Variants in ARSB observed in about 807,000 individuals in gnomAD.
ARSB encodes N-acetylgalactosamine-4-sulfatase.
Under a neutral mutation model 50.9 loss-of-function variants are expected in ARSB, and 41 were observed. That is an observed-to-expected ratio of 0.81 (90% CI 0.63 to 1.04). The LOEUF (loss-of-function observed/expected upper bound fraction) is 1.04, where lower values mean the gene tolerates loss of function less well. ARSB is among the 50% of genes least tolerant of loss of function. The pLI, the probability that ARSB is intolerant of heterozygous loss-of-function variation, is 0.00. For synonymous variants in ARSB, 269 were observed against 284.8 expected (o/e 0.94, Z 0.56); for missense variants, 672 against 693.3 (o/e 0.97, Z 0.35).
At chr5:78,818,835 C>G (rs969140456) in intron 6 of ARSB, among the ~76,000 whole-genome samples, 3 of 152,008 alleles carry the variant, frequency 2.0e-5, no homozygotes, top group Non-Finnish European at 2.9e-5. Flanking sequence ...CTTCCTTTCT[C>G]CTTAAGCAAC....
At chr5:78,794,351 A>G (rs1743100422) in intron 6 of ARSB, among the ~76,000 whole-genome samples, 2 of 152,240 alleles carry the variant, frequency 1.3e-5, no homozygotes, top group Non-Finnish European at 2.9e-5. Context: ...AATGAATTCA[A>G]TAGTCTTCAA....
intron 6 of ARSB, among the ~76,000 whole-genome samples, chr5:78,785,536 A>G (rs1005464448): frequency 6.6e-5 from 10 of 150,972 alleles, no homozygotes; most frequent in Non-Finnish European, 1.2e-4. Context: ...CCTCCTTTAA[A>G]TCTACTTTAT....
intron 5 of ARSB, among the ~76,000 whole-genome samples, chr5:78,840,019 G>A (rs1219988015): frequency 1.3e-5 from 2 of 152,196 alleles, no homozygotes; most frequent in African/African-American, 4.8e-5. Flanking sequence ...GTGACTTGGA[G>A]ATCGCTTAGT....
intron 4 of ARSB, among the ~76,000 whole-genome samples, chr5:78,897,162 C>T (rs1748601201): frequency 6.6e-6 from 1 of 152,124 alleles, no homozygotes. Flanking sequence ...AACATAGAGA[C>T]TAGACTTAGG....
chr5:78,956,433 T>A (rs1301731254), intron 3 of ARSB, among the ~76,000 whole-genome samples: 1 of 152,118 alleles, frequency 6.6e-6, no homozygotes, highest in East Asian at 1.9e-4. Context: ...TGAACATGTT[T>A]TAAACTTAGA....
rs1748878471 is a variant in ARSB, at chr5:78,780,026, A to G, written c.*371T>C. 2 of 296,610 alleles carry G rather than the reference A, an allele frequency of 6.7e-6. No homozygotes were observed. Among genetic ancestry groups the G allele is most frequent in the Non-Finnish European group, 1.3e-5 (2 of 152,934 alleles). The allele number at this position is 296,610 out of a possible 1,614,324, so 18.4% of individuals were successfully genotyped here. ...GTAAGAAATGTGATTCACTCCAATA[A>G]AACTGGCTATTGGCAGAGGGGAATC... is the stretch of plus-strand genomic sequence containing the variant. On this transcript the variant is annotated 3_prime_UTR_variant, in exon 8 of 8. Coordinates refer to ENST00000264914, the MANE Select transcript of ARSB (RefSeq NM_000046.5).
intron 4 of ARSB, among the ~76,000 whole-genome samples, chr5:78,891,890 C>T (rs1218725691): frequency 1.4e-5 from 2 of 146,986 alleles, no homozygotes; most frequent in Admixed American, 6.6e-5. Context: ...TCCCCTATCA[C>T]CCCTACTGCC....
chr5:78,874,790 C>G lies in ARSB; in HGVS notation c.1142+10794G>C, dbSNP rs372668022. Reference sequence around the variant, plus strand: ...CACCTGATGTGGACAACAAGAAAGACCATCTACTAGGCCAAGTCTCAAATT... The same window carrying G: ...CACCTGATGTGGACAACAAGAAAGAGCATCTACTAGGCCAAGTCTCAAATT... On this transcript the variant is annotated intron_variant, in intron 5 of 7. Transcript: ENST00000264914. Among the ~76,000 whole-genome samples the G allele has an allele frequency of 1.2e-4, 18 of 152,206 alleles. No homozygotes were observed. In the East Asian group the frequency reaches 1.5e-3, roughly 13 times the overall value.
intron 1 of ARSB, among the ~76,000 whole-genome samples, chr5:78,984,131 T>A (rs763562015): frequency 2.6e-5 from 4 of 152,202 alleles, no homozygotes; most frequent in Admixed American, 6.5e-5. Context: ...GCGATTCTTA[T>A]GCCAACGAGC....
At chr5:78,861,900 G>A (rs1746455747) in intron 5 of ARSB, among the ~76,000 whole-genome samples, 1 of 152,174 alleles carries the variant, frequency 6.6e-6, no homozygotes, top group Non-Finnish European at 1.5e-5. Context: ...AAGCTGATAA[G>A]CAACTTCAAC....
intron 4 of ARSB, among the ~76,000 whole-genome samples, chr5:78,899,686 C>A (rs1234932080): frequency 1.3e-5 from 2 of 152,140 alleles, no homozygotes; most frequent in African/African-American, 2.4e-5. Flanking sequence ...AAAATTATTT[C>A]AATCTCTTTG....
chr5:78,940,363 A>C (rs1750849972), intron 4 of ARSB, among the ~76,000 whole-genome samples: 1 of 152,176 alleles, frequency 6.6e-6, no homozygotes, highest in Admixed American at 6.6e-5. Context: ...GCCCATGCCT[A>C]TGTCCTGAAT....
Position 78,985,053 on chromosome 5 carries a change from G to A in ARSB, c.196C>T (p.Arg66Cys), listed in dbSNP as rs951682570. The A allele has an allele frequency of 1.3e-6, 2 of 1,541,586 alleles. No individual in the cohort carries two copies. Among genetic ancestry groups the A allele is most frequent in the Admixed American group, 1.9e-5 (1 of 51,604 alleles). Residue 66 changes from arginine to cysteine, a missense_variant, in exon 1 of 8, where the codon CGC becomes TGC. Coordinates refer to ENST00000264914, the MANE Select transcript of ARSB (RefSeq NM_000046.5). ...GCGTCCAGGTGCGGCGTGCGGATGCGGGAGCCGTGGAAGCCGACGTCGTTC... is the reference window on the plus strand; with the variant it reads ...GCGTCCAGGTGCGGCGTGCGGATGCAGGAGCCGTGGAAGCCGACGTCGTTC... Reference protein sequence around the residue: ...GWNDVGFHGSRIRTPHLDALA... With the variant: ...GWNDVGFHGSCIRTPHLDALA...
rs77516528 is a variant in ARSB at position 78,892,962 on chromosome 5, C to T, written c.899-7135G>A. 8.6e-3 allele frequency among the ~76,000 whole-genome samples: 1,304 copies of T among 152,226 alleles called. 21 individuals are homozygous for T. Among genetic ancestry groups the T allele is most frequent in the African/African-American group, 0.03 (1,255 of 41,526 alleles). On this transcript the variant is annotated intron_variant, in intron 4 of 7. Coordinates refer to ENST00000264914, the MANE Select transcript of ARSB (RefSeq NM_000046.5). ...CCAGGCACCAAATAACCGATTGATA[C>T]GGTTTGGCTGTGTCCCTACCCAAAT...
At chr5:78,839,493 T>TCCC in intron 5 of ARSB, 67 bp from the exon 6 acceptor site, 2 of 1,398,284 alleles carry the variant, frequency 1.4e-6, no homozygotes, top group Non-Finnish European at 2.0e-6. Context: ...TTTTAATACT[T>TCCC]CCCTTCCTTG....
At chr5:78,978,012 A>C (rs1021599273) in intron 1 of ARSB, among the ~76,000 whole-genome samples, 3 of 152,206 alleles carry the variant, frequency 2.0e-5, no homozygotes, top group African/African-American at 7.2e-5. Context: ...TTACACACTA[A>C]AAATTATAAA....
chr5:78,863,794 T>C (rs1318469368), intron 5 of ARSB, among the ~76,000 whole-genome samples: 3 of 152,062 alleles, frequency 2.0e-5, no homozygotes, highest in African/African-American at 7.2e-5. Flanking sequence ...TCATAGTCTT[T>C]GCATGCAGGG....
chr5:78,949,138 C>T (rs1056248483), intron 4 of ARSB, among the ~76,000 whole-genome samples: 5 of 152,172 alleles, frequency 3.3e-5, no homozygotes, highest in Non-Finnish European at 7.3e-5. Context: ...CTGAGAATAA[C>T]TATGCTAAGA....
At chr5:78,881,021 C>T (rs1375231278) in intron 5 of ARSB, among the ~76,000 whole-genome samples, 1 of 152,128 alleles carries the variant, frequency 6.6e-6, no homozygotes, top group Non-Finnish European at 1.5e-5. Flanking sequence ...CACTTGAGGC[C>T]AGGAGTTCAA....
Sources: allele counts gnomAD v4.1 joint callset (sites outside exome capture counted in the v4.1 genomes callset), GRCh38; gene constraint gnomAD v4.1.1; transcripts MANE v1.5; gene names NCBI Gene and HGNC (gene_info 2026-07-23, HGNC 2026-07-21).